TAF5L: variants seen among roughly 807,000 people sequenced by gnomAD.
TAF5L encodes TATA-box binding protein associated factor 5 like.
A neutral mutation model predicts 51.3 loss-of-function variants in TAF5L; 7 were observed. That is an observed-to-expected ratio of 0.14 (90% CI 0.08 to 0.26). The LOEUF (loss-of-function observed/expected upper bound fraction) is 0.26, where lower values mean the gene tolerates loss of function less well. Among genes scored for constraint, TAF5L ranks in the 10% least tolerant of loss-of-function variants. The pLI is 1.00. For synonymous variants in TAF5L, 291 were observed against 308.1 expected (o/e 0.94, Z 0.58); for missense variants, 575 against 758.9 (o/e 0.76, Z 2.85).
At chr1:229,615,475 G>A (rs1253988473) in intron 1 of TAF5L, among the ~76,000 whole-genome samples, 1 of 152,034 alleles carries the variant, frequency 6.6e-6, no homozygotes, top group Non-Finnish European at 1.5e-5. Flanking sequence ...ACACTAAGAG[G>A]GTATGTATAT....
intron 4 of TAF5L, among the ~76,000 whole-genome samples, chr1:229,596,004 G>A (rs1304694325): frequency 2.0e-5 from 3 of 152,204 alleles, no homozygotes. Flanking sequence ...TTCAGGCATG[G>A]TGGCTCGCAC....
intron 3 of TAF5L, chr1:229,607,471 CTCA>C (rs768621872): frequency 2.1e-4 from 204 of 985,294 alleles, no homozygotes; most frequent in Non-Finnish European, 2.3e-4. Context: ...TGCCTTTTTG[CTCA>C]TGTTATTTCT....
At chr1:229,607,169 G>A (rs1346303668) in intron 3 of TAF5L, 4 of 985,234 alleles carry the variant, frequency 4.1e-6, no homozygotes, top group Non-Finnish European at 4.8e-6. Context: ...CTTAAAGCCT[G>A]AGCCATCGTC....
At position 229,602,450 on chromosome 1, in the gene TAF5L, T is replaced by C; in HGVS notation, c.717A>G (p.Leu239=). 6.2e-7 allele frequency: 1 copy of C among 1,614,124 alleles called. No individual in the cohort carries two copies. Among genetic ancestry groups the C allele is most frequent in the Non-Finnish European group, 8.5e-7 (1 of 1,179,990 alleles). Reference sequence around the variant, plus strand: ...GCTTAATGCTCTCCTGTAAGACCTCTAGGGCAGCCTCGTTCTGCAGAATAG... The same window carrying C: ...GCTTAATGCTCTCCTGTAAGACCTCCAGGGCAGCCTCGTTCTGCAGAATAG... The change falls in exon 4 of 5, where the codon CTA becomes CTG. Residue 239 remains leucine, a synonymous_variant. Coordinates refer to ENST00000258281, the Ensembl canonical transcript of TAF5L. The surrounding 1 kb of genome is among the most constrained non-coding windows in gnomAD (Gnocchi z 4.6).
chr1:229,606,030 CT>C (rs1664585476), intron 3 of TAF5L: 1 of 601,836 alleles, frequency 1.7e-6, no homozygotes, highest in Non-Finnish European at 2.1e-6. Context: ...TTTCAGGCTC[CT>C]TTTCTAAAAT....
chr1:229,620,004 C>T (rs1665145543), intron 1 of TAF5L, among the ~76,000 whole-genome samples: 1 of 152,100 alleles, frequency 6.6e-6, no homozygotes, highest in African/African-American at 2.4e-5. Context: ...CTTAATGGTG[C>T]CACTATCCAC....
In TAF5L at chr1:229,625,835, C is replaced by G. The variant is rs1324460819; in HGVS notation, c.-4+50G>C. The G allele has an allele frequency of 7.2e-6, 1 of 137,980 alleles. No individual in the cohort carries two copies. Among genetic ancestry groups the G allele is most frequent in the Non-Finnish European group, 1.6e-5 (1 of 62,540 alleles). 8.5% of individuals were successfully genotyped at this position (137,980 alleles called of 1,614,324 possible). On this transcript the variant is annotated intron_variant, in intron 1 of 4. Transcript: ENST00000258281. This position sits in a 1 kb window ranked among gnomAD's most constrained non-coding sequence, Gnocchi z 4.0. ...CGGCCCCCGCCCGCCCGCGCGCGCG[C>G]GCGCCTCGCGACCCTCCCGGCCCTC...
At chr1:229,613,094 GA>G (rs1162887655) in intron 2 of TAF5L, among the ~76,000 whole-genome samples, 1 of 151,534 alleles carries the variant, frequency 6.6e-6, no homozygotes, top group Non-Finnish European at 1.5e-5. Context: ...AAGGTGGGAG[GA>G]TCACTTGAGG....
chr1:229,616,505 C>T (rs553598178), intron 1 of TAF5L, among the ~76,000 whole-genome samples: 5 of 152,140 alleles, frequency 3.3e-5, no homozygotes, highest in African/African-American at 1.2e-4. Context: ...CATGCCTGGT[C>T]TTATTTTTCT....
Position 229,602,448 on chromosome 1 carries a change from T to C in TAF5L, c.719A>G (p.Glu240Gly), listed in dbSNP as rs1453154438. The C allele has an allele frequency of 6.2e-7, 1 of 1,614,102 alleles. No homozygotes were observed. ...TCGCTTAATGCTCTCCTGTAAGACCTCTAGGGCAGCCTCGTTCTGCAGAAT... is the reference window on the plus strand; with the variant it reads ...TCGCTTAATGCTCTCCTGTAAGACCCCTAGGGCAGCCTCGTTCTGCAGAAT... Residue 240 changes from glutamate (E) to glycine (G), a missense_variant, in exon 4 of 5, where the codon GAG becomes GGG. Physicochemically the swap from Glu to Gly is moderately conservative, Grantham distance 98. This residue lies in a region of TAF5L where 380 missense variants were observed against 443.7 expected (regional missense o/e 0.86). Transcript: ENST00000258281. This position sits in a 1 kb window ranked among gnomAD's most constrained non-coding sequence, Gnocchi z 4.6.
At chr1:229,620,216 A>G (rs1220068270) in intron 1 of TAF5L, among the ~76,000 whole-genome samples, 1 of 151,692 alleles carries the variant, frequency 6.6e-6, no homozygotes, top group African/African-American at 2.4e-5. Context: ...TTGCTATTTG[A>G]CAGCACAAAT....
At chr1:229,620,247 G>A (rs1665155642) in intron 1 of TAF5L, among the ~76,000 whole-genome samples, 1 of 152,104 alleles carries the variant, frequency 6.6e-6, no homozygotes, top group Admixed American at 6.5e-5. Flanking sequence ...TCTCTTTAGA[G>A]AAGTGGTCTG....
Position 229,625,787 on chromosome 1 carries a change from G to A in TAF5L, c.-4+98C>T, listed in dbSNP as rs1416908811. ...CGCCCGCCGGCGGGAGCCAAGGCGC[G>A]CCCCGCCGAGGCCCCACCGCCCCGG... On this transcript the variant is annotated intron_variant, in intron 1 of 4. Coordinates refer to ENST00000258281, the Ensembl canonical transcript of TAF5L. This position sits in a 1 kb window ranked among gnomAD's most constrained non-coding sequence, Gnocchi z 4.0. The A allele has an allele frequency of 2.5e-5, 3 of 122,382 alleles. No individual in the cohort carries two copies. The highest frequency in any genetic ancestry group is 9.1e-5 in the African/African-American group (3 of 33,112). The allele number at this position is 122,382 out of a possible 1,614,324, so 7.6% of individuals were successfully genotyped here. A position where few individuals can be genotyped will look rare whatever the true frequency, so the allele number is the denominator to read the frequency against.
intron 3 of TAF5L, chr1:229,606,880 T>G (rs1243453965): frequency 7.1e-6 from 7 of 985,290 alleles, no homozygotes; most frequent in Non-Finnish European, 8.4e-6. Flanking sequence ...AGACAACCTG[T>G]GGAGGAAAAA....
chr1:229,602,859 A>T lies in TAF5L; in HGVS notation c.308T>A (p.Leu103His), dbSNP rs1034125604. ...ACTGTTTTGGACCAGGTTGAGATGG[A>T]GGTAGACAAAGAGAGGATAGAGGAG... Residue 103 changes from leucine (L) to histidine (H), a missense_variant, in exon 4 of 5, where the codon CTC becomes CAC. Leu to His is a moderately conservative substitution (Grantham distance 99, BLOSUM62 -3). Transcript: ENST00000258281. The surrounding 1 kb of genome is among the most constrained non-coding windows in gnomAD (Gnocchi z 4.6). 1 of 1,609,750 alleles carries T rather than the reference A, an allele frequency of 6.2e-7. No homozygotes were observed. The highest frequency in any genetic ancestry group is 1.7e-5 in the Admixed American group (1 of 60,008).
In TAF5L at chr1:229,594,125, T is replaced by C. The variant is rs1052345820; in HGVS notation, c.*172A>G. 1.5e-4 allele frequency: 102 copies of C among 700,528 alleles called. No individual in the cohort carries two copies. In the African/African-American group the frequency reaches 1.6e-3, roughly 11 times the overall value. 43.4% of individuals were successfully genotyped at this position (700,528 alleles called of 1,614,324 possible). On this transcript the variant is annotated 3_prime_UTR_variant, in exon 5 of 5. Coordinates refer to ENST00000258281, the Ensembl canonical transcript of TAF5L. The surrounding 1 kb of genome is among the most constrained non-coding windows in gnomAD (Gnocchi z 7.9). ...TCTCTCCTGTTCCCCTCCCCAACCTTGGCCTTCGACACTGGGGGGCTGAGT... is the reference window on the plus strand; with the variant it reads ...TCTCTCCTGTTCCCCTCCCCAACCTCGGCCTTCGACACTGGGGGGCTGAGT...
At chr1:229,608,497 C>T (rs958831319) in intron 3 of TAF5L, among the ~76,000 whole-genome samples, 2 of 151,804 alleles carry the variant, frequency 1.3e-5, no homozygotes, top group African/African-American at 4.8e-5. Context: ...AAAGAAAAAC[C>T]GAATTTATAA....
intron 1 of TAF5L, among the ~76,000 whole-genome samples, chr1:229,618,770 C>G (rs988103861): frequency 1.3e-5 from 2 of 152,078 alleles, no homozygotes; most frequent in African/African-American, 4.8e-5. Context: ...CCCCGTTAGG[C>G]TCTAATGTAC....
At chr1:229,613,123 G>A (rs1164810759) in intron 2 of TAF5L, among the ~76,000 whole-genome samples, 1 of 150,836 alleles carries the variant, frequency 6.6e-6, no homozygotes, top group African/African-American at 2.4e-5. Context: ...GTCATGACTA[G>A]CCTGGACAAC....
Sources: allele counts gnomAD v4.1 joint callset (sites outside exome capture counted in the v4.1 genomes callset), GRCh38; gene constraint gnomAD v4.1.1; regional missense constraint gnomAD v4.1.1; non-coding constraint Gnocchi (gnomAD v3.1); transcripts MANE v1.5; gene names NCBI Gene and HGNC (gene_info 2026-07-23, HGNC 2026-07-21).